Variants in MDGA2 observed in about 807,000 individuals in gnomAD.
MDGA2 encodes MAM domain-containing glycosylphosphatidylinositol anchor protein 2.
MDGA2 carries 40 observed loss-of-function variants against 117.8 expected under a neutral mutation model. The observed-to-expected ratio is 0.34, with a 90% CI of 0.26 to 0.44. The LOEUF is 0.44. MDGA2 is among the 20% of genes least tolerant of loss of function. The probability of loss-of-function intolerance (pLI) is 1.00; values close to 1 mark genes in which losing one functional copy is unlikely to be tolerated. For missense variants in MDGA2, 1,123 were observed against 1,250.6 expected, an observed-to-expected ratio of 0.90 and a Z score of 1.54; for synonymous variants, 452 against 439.0, an observed-to-expected ratio of 1.03 and a Z score of -0.37.
chr14:47,110,545 A>T (rs1265163984), intron 5 of MDGA2, among the ~76,000 whole-genome samples: 1 of 152,156 alleles, frequency 6.6e-6, no homozygotes, highest in Admixed American at 6.6e-5. Context: ...CTTTTTCATA[A>T]TCCATTCTGG....
intron 1 of MDGA2, among the ~76,000 whole-genome samples, chr14:47,575,409 G>T (rs1426497994): frequency 6.6e-6 from 1 of 152,096 alleles, no homozygotes; most frequent in African/African-American, 2.4e-5. Flanking sequence ...TCTATCAAAA[G>T]CATAAACATA....
intron 1 of MDGA2, among the ~76,000 whole-genome samples, chr14:47,477,159 C>T (rs901785628): frequency 2.0e-5 from 3 of 152,006 alleles, no homozygotes; most frequent in Non-Finnish European, 4.4e-5. Flanking sequence ...GAGCATCTGT[C>T]TCAAAATAAA....
chr14:47,460,880 C>T (rs1386895846), intron 1 of MDGA2, among the ~76,000 whole-genome samples: 1 of 152,080 alleles, frequency 6.6e-6, no homozygotes, highest in Non-Finnish European at 1.5e-5. Flanking sequence ...AGCCTGAGAG[C>T]ATATATTAAT....
intron 3 of MDGA2, among the ~76,000 whole-genome samples, chr14:47,203,568 T>C (rs1309841565): frequency 6.6e-6 from 1 of 151,850 alleles, no homozygotes; most frequent in Non-Finnish European, 1.5e-5. Context: ...GGCTTGGTGG[T>C]AGTGGAGTTT....
intron 1 of MDGA2, among the ~76,000 whole-genome samples, chr14:47,628,398 C>T (rs1319343915): frequency 6.6e-6 from 1 of 152,202 alleles, no homozygotes; most frequent in African/African-American, 2.4e-5. Context: ...AACTCAAGGC[C>T]TGGCACAGTG....
At chr14:47,086,100 TTTTTTTG>T (rs1042123950) in intron 6 of MDGA2, among the ~76,000 whole-genome samples, 1 of 140,080 alleles carries the variant, frequency 7.1e-6, no homozygotes, top group Non-Finnish European at 1.6e-5. Flanking sequence ...TAAGGTTTTT[TTTTTTTG>T]TTTTTTGTTT....
chr14:47,272,847 T>G (rs983039439), intron 2 of MDGA2, among the ~76,000 whole-genome samples: 4 of 152,138 alleles, frequency 2.6e-5, no homozygotes, highest in Non-Finnish European at 5.9e-5. Flanking sequence ...ACATATGAGG[T>G]AGGTGTTTGC....
chr14:47,529,388 G>C (rs1055597476), intron 1 of MDGA2, among the ~76,000 whole-genome samples: 1 of 151,890 alleles, frequency 6.6e-6, no homozygotes, highest in Non-Finnish European at 1.5e-5. Flanking sequence ...ATTTATGGGA[G>C]TACATGAGAT....
intron 3 of MDGA2, among the ~76,000 whole-genome samples, 172 bp downstream of exon 3, chr14:47,217,849 T>G (rs1886153638): frequency 6.6e-6 from 1 of 152,126 alleles, no homozygotes; most frequent in Non-Finnish European, 1.5e-5. Flanking sequence ...GTTATGAAAG[T>G]TTCTAGTGAA....
chr14:47,184,113 T>C (rs1402209500), intron 3 of MDGA2, among the ~76,000 whole-genome samples: 3 of 152,028 alleles, frequency 2.0e-5, no homozygotes, highest in Non-Finnish European at 4.4e-5. Context: ...TATGTGTATA[T>C]GTGTGTATGT....
At chr14:47,092,024 T>C (rs11623394) in intron 6 of MDGA2, among the ~76,000 whole-genome samples, 25,461 of 152,180 alleles carry the variant, frequency 0.17, 2,459 homozygotes, top group East Asian at 0.31. Flanking sequence ...TAATTACATG[T>C]ATGGGTATAT....
At chr14:47,135,222 G>C (rs1015962667) in intron 4 of MDGA2, among the ~76,000 whole-genome samples, 14 of 151,910 alleles carry the variant, frequency 9.2e-5, no homozygotes, top group Non-Finnish European at 1.8e-4. Flanking sequence ...ATTAATTACA[G>C]ATATAATAAT....
chr14:47,154,574 G>A (rs1009187435), intron 3 of MDGA2, among the ~76,000 whole-genome samples: 31 of 152,332 alleles, frequency 2.0e-4, no homozygotes, highest in African/African-American at 7.5e-4. Flanking sequence ...CCGGCTCCCA[G>A]CACTGGCTCC....
At position 46,957,334 on chromosome 14, in the gene MDGA2, T is replaced by C. The variant is rs772119026; in HGVS notation, c.2089+40A>G. The C allele has an allele frequency of 2.5e-6, 4 of 1,586,816 alleles. No homozygotes were observed. In the East Asian group the frequency reaches 9.0e-5, roughly 36 times the overall value. On this transcript the variant is annotated intron_variant, in intron 9 of 16. Transcript: ENST00000399232. The stretch of plus-strand genomic sequence containing the variant: ...ATAGGTCTAAGATCTCTTGGTCTAA[T>C]AAAACAAAATGTATAAAAAGAAAAT...
In MDGA2 at chr14:47,268,408, A is replaced by G. The variant is rs1272092062; in HGVS notation, c.420+33003T>C. Among the ~76,000 whole-genome samples the G allele has an allele frequency of 2.0e-5, 3 of 152,272 alleles. No individual in the cohort carries two copies. The South Asian group carries it at 6.2e-4, about 32-fold the overall frequency. ...CTTTTTATATACAGGCAAATTCATT[A>G]TAAAAATAATTTTGAAAAATTTATT... On this transcript the variant is annotated intron_variant, in intron 2 of 16. Transcript: ENST00000399232.
chr14:47,015,040 T>C (rs572073996), intron 8 of MDGA2, among the ~76,000 whole-genome samples: 10 of 152,228 alleles, frequency 6.6e-5, no homozygotes, highest in South Asian at 2.1e-4. Flanking sequence ...ACTGGCCTAA[T>C]TGTAATATTG....
At chr14:47,220,452 G>A (rs1356020452) in intron 2 of MDGA2, among the ~76,000 whole-genome samples, 1 of 152,174 alleles carries the variant, frequency 6.6e-6, no homozygotes, top group Non-Finnish European at 1.5e-5. Context: ...CATTCTTGCT[G>A]TTTCAAGCAG....
intron 1 of MDGA2, among the ~76,000 whole-genome samples, chr14:47,389,414 G>A (rs1891838008): frequency 6.6e-6 from 1 of 152,056 alleles, no homozygotes; most frequent in African/African-American, 2.4e-5. Flanking sequence ...TTCTTAGACT[G>A]ACCTTACTAA....
intron 1 of MDGA2, among the ~76,000 whole-genome samples, chr14:47,477,219 A>C (rs1893862243): frequency 6.6e-6 from 1 of 152,218 alleles, no homozygotes; most frequent in Admixed American, 6.5e-5. Flanking sequence ...AAATGAAATA[A>C]TTCATGTAAA....
Sources: gnomAD v4.1 joint callset for allele counts (sites outside exome capture counted in the v4.1 genomes callset) on GRCh38, gnomAD v4.1.1 for gene constraint, MANE v1.5 for transcripts, NCBI Gene and HGNC (gene_info 2026-07-23, HGNC 2026-07-21) for gene names.